SHISA9: variants seen among roughly 807,000 people sequenced by gnomAD.
SHISA9 encodes protein shisa-9.
A neutral mutation model predicts 38.0 loss-of-function variants in SHISA9; 13 were observed. That is an observed-to-expected ratio of 0.34 (90% CI 0.22 to 0.54). The LOEUF is 0.54. Among genes scored for constraint, SHISA9 ranks in the 20% least tolerant of loss-of-function variants. SHISA9 has a pLI of 0.91. For synonymous variants in SHISA9, 275 were observed against 242.0 expected (o/e 1.14, Z -1.27); for missense variants, 538 against 575.8 (o/e 0.93, Z 0.67).
At chr16:12,921,256 C>G (rs1185290611) in intron 2 of SHISA9, among the ~76,000 whole-genome samples, 1 of 152,170 alleles carries the variant, frequency 6.6e-6, no homozygotes, top group Non-Finnish European at 1.5e-5. Flanking sequence ...AACATAAAAT[C>G]CATCAGAAAG....
chr16:13,469,381 G>A, the SHISA9 span, among the ~76,000 whole-genome samples: 5 of 100,392 alleles, frequency 5.0e-5, no homozygotes, highest in African/African-American at 1.9e-4. Flanking sequence ...AAGAAAGAAA[G>A]AAAGAAAGAA....
At chr16:12,916,355 T>C (rs975067495) in intron 1 of SHISA9, among the ~76,000 whole-genome samples, 2 of 152,198 alleles carry the variant, frequency 1.3e-5, no homozygotes, top group East Asian at 1.9e-4. Context: ...TTGTATCTAG[T>C]GTTAGATATA....
At chr16:13,400,004 C>T in the SHISA9 span, among the ~76,000 whole-genome samples, 1 of 152,232 alleles carries the variant, frequency 6.6e-6, no homozygotes, top group Non-Finnish European at 1.5e-5. Flanking sequence ...GTATCAGGTG[C>T]TCTCAGTACC....
At chr16:13,125,580 A>G (rs1365901762) in intron 2 of SHISA9, among the ~76,000 whole-genome samples, 2 of 152,246 alleles carry the variant, frequency 1.3e-5, no homozygotes. Context: ...ATGAGACACT[A>G]TATTAGTCTA....
At chr16:13,461,437 G>T in the SHISA9 span, among the ~76,000 whole-genome samples, 2 of 151,814 alleles carry the variant, frequency 1.3e-5, no homozygotes, top group African/African-American at 4.8e-5. Flanking sequence ...AAATTAGCCG[G>T]ACGTGGTGGC....
intron 2 of SHISA9, among the ~76,000 whole-genome samples, chr16:13,116,778 G>A (rs771160772): frequency 2.0e-5 from 3 of 152,144 alleles, no homozygotes; most frequent in Admixed American, 1.3e-4. Context: ...AACAAAGGAG[G>A]TTTCATACGT....
At chr16:13,091,857 G>A (rs2073778447) in intron 2 of SHISA9, among the ~76,000 whole-genome samples, 1 of 152,212 alleles carries the variant, frequency 6.6e-6, no homozygotes, top group Non-Finnish European at 1.5e-5. Context: ...GCTAGGAACT[G>A]CGATCCTTTG....
intron 4 of SHISA9, 23 bp from the exon 5 acceptor site, chr16:13,235,007 C>T (rs1329319160): frequency 6.6e-7 from 1 of 1,511,668 alleles, no homozygotes; most frequent in South Asian, 1.3e-5. Flanking sequence ...TCCCCTTCTT[C>T]ATCCACCCGT....
At chr16:13,533,245 C>A in the SHISA9 span, among the ~76,000 whole-genome samples, 1 of 152,144 alleles carries the variant, frequency 6.6e-6, no homozygotes, top group Non-Finnish European at 1.5e-5. Context: ...CTTGGGGACA[C>A]CTTTAACGCT....
chr16:13,357,070 CAGT>C, the SHISA9 span, among the ~76,000 whole-genome samples: 1 of 151,820 alleles, frequency 6.6e-6, no homozygotes, highest in Non-Finnish European at 1.5e-5. Context: ...CCACAGAAAA[CAGT>C]AGAGACACGG....
At chr16:13,123,290 TTG>T (rs1221534853) in intron 2 of SHISA9, among the ~76,000 whole-genome samples, 2 of 152,236 alleles carry the variant, frequency 1.3e-5, no homozygotes, top group Non-Finnish European at 2.9e-5. Context: ...GGAAGAGACT[TTG>T]TTATTCAACA....
At chr16:13,500,270 C>A in the SHISA9 span, among the ~76,000 whole-genome samples, 5 of 152,174 alleles carry the variant, frequency 3.3e-5, no homozygotes, top group African/African-American at 4.8e-5. Flanking sequence ...TTCCCTTCAC[C>A]TTCCGCCATG....
the SHISA9 span, among the ~76,000 whole-genome samples, chr16:13,436,406 A>C: frequency 4.6e-5 from 7 of 152,298 alleles, no homozygotes; most frequent in African/African-American, 1.7e-4. Flanking sequence ...CAATGTCCAT[A>C]AATTACCCCA....
chr16:13,223,619 A>G (rs2142077067), intron 4 of SHISA9, among the ~76,000 whole-genome samples: 1 of 152,190 alleles, frequency 6.6e-6, no homozygotes, highest in East Asian at 1.9e-4. Context: ...CTTTGTCATC[A>G]TTTGTATCAG....
the SHISA9 span, among the ~76,000 whole-genome samples, chr16:13,557,972 G>A: frequency 3.7e-3 from 559 of 152,212 alleles, 3 homozygotes; most frequent in African/African-American, 0.013. Context: ...ATAGGCTTCC[G>A]ATCACCTGAT....
Position 13,101,979 on chromosome 16 carries a change from C to T in SHISA9, c.692-101415C>T, listed in dbSNP as rs1215319296. Among the ~76,000 whole-genome samples, 6 of 152,222 alleles carry T rather than the reference C, an allele frequency of 3.9e-5. No homozygotes were observed. In the East Asian group the frequency reaches 1.2e-3, roughly 29 times the overall value. On this transcript the variant is annotated intron_variant, in intron 2 of 4. Transcript: ENST00000558583. ...TGGCCATGCCAGGCCTGAATTCCTG[C>T]ATGGATGATTGGGTAATGCTGAGAA... is the stretch of plus-strand genomic sequence containing the variant.
the SHISA9 span, among the ~76,000 whole-genome samples, chr16:13,469,423 A>G: frequency 0.017 from 1,989 of 115,468 alleles, 79 homozygotes; most frequent in Middle Eastern, 0.029. Context: ...GAAAGAAAGA[A>G]AAAGAAAGAA....
chr16:13,546,258 T>A, the SHISA9 span, among the ~76,000 whole-genome samples: 1 of 152,208 alleles, frequency 6.6e-6, no homozygotes, highest in Non-Finnish European at 1.5e-5. Context: ...AGATTATTGT[T>A]CTCCCTGCTT....
chr16:13,501,276 C>T, the SHISA9 span, among the ~76,000 whole-genome samples: 4 of 152,020 alleles, frequency 2.6e-5, no homozygotes, highest in South Asian at 2.1e-4. Flanking sequence ...ACACCCCCTA[C>T]GACAAAGAAT....
Sources: gnomAD v4.1 joint callset for allele counts (sites outside exome capture counted in the v4.1 genomes callset) on GRCh38, gnomAD v4.1.1 for gene constraint, MANE v1.5 for transcripts, NCBI Gene and HGNC (gene_info 2026-07-23, HGNC 2026-07-21) for gene names.